Variants in SEM1 observed in about 807,000 individuals in gnomAD.
SEM1 encodes SEM1 26S proteasome subunit, also known as 26S proteasome complex subunit SEM1.
SEM1 carries 3 observed loss-of-function variants against 12.7 expected under a neutral mutation model. The observed-to-expected ratio is 0.24, with a 90% CI of 0.11 to 0.61. The LOEUF (loss-of-function observed/expected upper bound fraction) is 0.61, where lower values mean the gene tolerates loss of function less well. SEM1 is among the 20% of genes least tolerant of loss of function. SEM1 has a pLI of 0.88. For synonymous variants in SEM1, 30 were observed against 27.8 expected (o/e 1.08, Z -0.25); for missense variants, 59 against 81.3 (o/e 0.73, Z 1.06).
intron 2 of SEM1, among the ~76,000 whole-genome samples, chr7:96,625,519 G>A (rs550602631): frequency 9.4e-4 from 143 of 152,292 alleles, no homozygotes; most frequent in African/African-American, 3.3e-3. Flanking sequence ...CCCTAGTGTT[G>A]TCACTGCTCC....
chr7:96,554,332 T>G lies in SEM1; in HGVS notation c.171-47634A>C, dbSNP rs200359682. Among the ~76,000 whole-genome samples, 60 of 100,316 alleles carry G rather than the reference T, an allele frequency of 6.0e-4. 1 individual carries two copies. In the East Asian group the frequency reaches 0.017, roughly 28 times the overall value. 65.8% of individuals were successfully genotyped at this position (100,316 alleles called of 152,430 possible). ...ATTCAGTATGATATTGGCTGTGGGT[T>G]TGTCATAGATAGCGCTTATTATTTT... On this transcript the variant is annotated intron_variant and NMD_transcript_variant, in intron 2 of 3. Transcript: ENST00000466986.
At chr7:96,528,934 C>A (rs888315701) in intron 2 of SEM1, among the ~76,000 whole-genome samples, 1 of 152,034 alleles carries the variant, frequency 6.6e-6, no homozygotes. Flanking sequence ...AATATATTCC[C>A]GTACCTAATA....
intron 2 of SEM1, among the ~76,000 whole-genome samples, chr7:96,601,447 A>G (rs73228319): frequency 0.12 from 18,773 of 152,124 alleles, 1,186 homozygotes; most frequent in Middle Eastern, 0.2. Flanking sequence ...TGAGGGTGTC[A>G]GCTCTATAAA....
intron 2 of SEM1, among the ~76,000 whole-genome samples, chr7:96,573,647 A>C (rs1806111406): frequency 6.6e-6 from 1 of 152,076 alleles, no homozygotes; most frequent in Non-Finnish European, 1.5e-5. Flanking sequence ...TGTTAGTCTG[A>C]TGGGCTTCCC....
intron 2 of SEM1, among the ~76,000 whole-genome samples, chr7:96,612,294 G>A (rs1423436441): frequency 6.6e-6 from 1 of 152,096 alleles, no homozygotes; most frequent in Non-Finnish European, 1.5e-5. Context: ...AAAATGTCTG[G>A]CACCTGATAT....
chr7:96,628,964 C>G (rs569499117), intron 2 of SEM1, among the ~76,000 whole-genome samples: 1 of 151,200 alleles, frequency 6.6e-6, no homozygotes, highest in South Asian at 2.1e-4. Context: ...TACGTCATGC[C>G]CCTCTCTTCT....
In SEM1 at chr7:96,514,577, G is replaced by A. The variant is rs114431953; in HGVS notation, c.171-7879C>T. ...ATTATAGCAAAGTTGCAGGATGTGA[G>A]GTTAATATACAAGTCAGTCACTTTC... On this transcript the variant is annotated intron_variant and NMD_transcript_variant, in intron 2 of 3. Transcript: ENST00000466986. Among the ~76,000 whole-genome samples the A allele has an allele frequency of 5.1e-3, 775 of 152,120 alleles. 9 individuals carry two copies. The highest frequency in any genetic ancestry group is 0.018 in the African/African-American group (740 of 41,512).
chr7:96,662,427 C>T lies in SEM1; in HGVS notation c.170+32371G>A, dbSNP rs1021013017. Among the ~76,000 whole-genome samples the T allele has an allele frequency of 1.1e-4, 16 of 152,082 alleles. 1 individual carries two copies. Among genetic ancestry groups the T allele is most frequent in the Admixed American group, 3.9e-4 (6 of 15,252 alleles). On this transcript the variant is annotated intron_variant, in intron 2 of 2. Coordinates refer to the SEM1 transcript ENST00000417009. ...AGCAAACTAACACAGGAACAGAAAA[C>T]CAAACACCGCATGCTCTCACTCATA...
intron 2 of SEM1, among the ~76,000 whole-genome samples, chr7:96,575,020 T>C (rs1419987322): frequency 6.6e-6 from 1 of 152,198 alleles, no homozygotes; most frequent in Non-Finnish European, 1.5e-5. Flanking sequence ...CGAGGACTTG[T>C]GATCCTTTGG....
intron 2 of SEM1, among the ~76,000 whole-genome samples, chr7:96,631,524 GT>G (rs1808261742): frequency 6.6e-6 from 1 of 152,120 alleles, no homozygotes; most frequent in Non-Finnish European, 1.5e-5. Context: ...ATTCAAGACT[GT>G]TTTACCACCT....
At chr7:96,497,129 G>C (rs1803316914), upstream of SEM1, among the ~76,000 whole-genome samples, 1 of 152,010 alleles carries the variant, frequency 6.6e-6, no homozygotes, top group Non-Finnish European at 1.5e-5. Context: ...ATTAAACCTT[G>C]CACTTGGGAG....
intron 2 of SEM1, among the ~76,000 whole-genome samples, chr7:96,653,451 C>T (rs1181615465): frequency 1.3e-5 from 2 of 152,108 alleles, no homozygotes; most frequent in Non-Finnish European, 2.9e-5. Flanking sequence ...ATTTACTTTT[C>T]CAGGCAGGAG....
At chr7:96,518,303 A>G (rs1804160494) in intron 2 of SEM1, among the ~76,000 whole-genome samples, 1 of 152,200 alleles carries the variant, frequency 6.6e-6, no homozygotes, top group Non-Finnish European at 1.5e-5. Flanking sequence ...CATAAAATAT[A>G]ATCAGCCTAT....
rs1232471851 is a variant in SEM1, at chr7:96,640,920, A to G, written c.171-18277T>C. Among the ~76,000 whole-genome samples the G allele has an allele frequency of 1.3e-5, 2 of 151,992 alleles. No homozygotes were observed. The highest frequency in any genetic ancestry group is 2.9e-5 in the Non-Finnish European group (2 of 67,946). On this transcript the variant is annotated intron_variant, in intron 2 of 2. Coordinates refer to the SEM1 transcript ENST00000417009. The surrounding 1 kb of genome is among the most constrained non-coding windows in gnomAD (Gnocchi z 4.0). ...TAAAAAATATGGTTTCTTTACAAAA[A>G]ACTTAGAGTAATCTCACACTTGAAG... is the stretch of plus-strand genomic sequence containing the variant.
rs188211323 is a variant in SEM1, at chr7:96,585,471, T to G, written c.171-78773A>C. Among the ~76,000 whole-genome samples the G allele has an allele frequency of 7.2e-5, 11 of 152,332 alleles. No homozygotes were observed. In the South Asian group the frequency reaches 1.7e-3, roughly 23 times the overall value. ...TGGAGCCTACAGAGGCAGGCAGGCC[T>G]CCTTCAGCTGTGGTGGGCTCCACCC... On this transcript the variant is annotated intron_variant and NMD_transcript_variant, in intron 2 of 3. Coordinates refer to the SEM1 transcript ENST00000466986.
At chr7:96,498,486 G>T (rs960460913), upstream of SEM1, among the ~76,000 whole-genome samples, 1 of 152,116 alleles carries the variant, frequency 6.6e-6, no homozygotes, top group Admixed American at 6.6e-5. Flanking sequence ...GAGAATGATT[G>T]AACTTATTTC....
upstream of SEM1, among the ~76,000 whole-genome samples, chr7:96,500,340 A>C (rs988325504): frequency 6.6e-6 from 1 of 152,128 alleles, no homozygotes; most frequent in South Asian, 2.1e-4. Context: ...TATGAAGAAC[A>C]GCAACCTGTG....
At chr7:96,546,111 C>A (rs1222466068) in intron 2 of SEM1, among the ~76,000 whole-genome samples, 1 of 152,006 alleles carries the variant, frequency 6.6e-6, no homozygotes, top group Non-Finnish European at 1.5e-5. Flanking sequence ...TGCTTCTTAG[C>A]CAAACCTGCC....
chr7:96,539,217 G>A (rs551726792), intron 2 of SEM1, among the ~76,000 whole-genome samples: 25 of 151,878 alleles, frequency 1.6e-4, no homozygotes, highest in African/African-American at 5.5e-4. Flanking sequence ...CAGACTCTGG[G>A]CTAACACCTT....
Sources: allele counts gnomAD v4.1 joint callset (sites outside exome capture counted in the v4.1 genomes callset), GRCh38; gene constraint gnomAD v4.1.1; non-coding constraint Gnocchi (gnomAD v3.1); transcripts MANE v1.5; gene names NCBI Gene and HGNC (gene_info 2026-07-23, HGNC 2026-07-21).